TTI1: variants seen among roughly 807,000 people sequenced by gnomAD.
The protein encoded by TTI1 is TELO2-interacting protein 1 homolog.
A neutral mutation model predicts 85.4 loss-of-function variants in TTI1; 52 were observed. The observed-to-expected ratio is 0.61, with a 90% CI of 0.49 to 0.77. The LOEUF (loss-of-function observed/expected upper bound fraction) is 0.77. TTI1 is among the 30% of genes least tolerant of loss of function. The probability of loss-of-function intolerance (pLI) is 0.00; values close to 1 mark genes in which losing one functional copy is unlikely to be tolerated. For synonymous variants in TTI1, 512 were observed against 503.9 expected (o/e 1.02, Z -0.22); for missense variants, 1,173 against 1,296.0 (o/e 0.91, Z 1.46).
intron 3 of TTI1, among the ~76,000 whole-genome samples, chr20:38,003,886 G>T (rs1449936272): frequency 1.3e-5 from 2 of 152,084 alleles, no homozygotes; most frequent in Non-Finnish European, 2.9e-5. Flanking sequence ...GATTAAAAGG[G>T]GGGTGCACAT....
chr20:38,023,925 G>A (rs566238442), intron 1 of TTI1, among the ~76,000 whole-genome samples: 22 of 152,292 alleles, frequency 1.4e-4, no homozygotes, highest in African/African-American at 3.4e-4. Context: ...AAGAACATGC[G>A]GAGGAGGGGA....
Position 38,011,980 on chromosome 20 carries a change from G to C in TTI1, c.1837C>G (p.Pro613Ala). ...QVTSFLAFSK[P>A]SPTICSMNSN... is the part of the protein sequence containing the mutation. The stretch of plus-strand genomic sequence containing the variant: ...TTCATGGAGCAAATAGTGGGACTTG[G>C]CTTTGAGAAGGCTAGAAAAGATGTA... The change falls in exon 2 of 8, where the codon CCA becomes GCA. Residue 613 changes from proline (P) to alanine (A), a missense_variant. Physicochemically the swap from Pro to Ala is conservative, Grantham distance 27. Coordinates refer to ENST00000373447, the MANE Select transcript of TTI1 (RefSeq NM_001303457.2). The C allele has an allele frequency of 1.2e-6, 2 of 1,614,242 alleles. No homozygotes were observed. Among genetic ancestry groups the C allele is most frequent in the South Asian group, 1.1e-5 (1 of 91,086 alleles).
At chr20:38,001,651 C>A (rs1568615271) in intron 4 of TTI1, among the ~76,000 whole-genome samples, 1 of 152,120 alleles carries the variant, frequency 6.6e-6, no homozygotes, top group Non-Finnish European at 1.5e-5. Context: ...GGTTTCCTAG[C>A]CCATCACCCC....
At chr20:37,987,108 G>A (rs1262300273) in intron 7 of TTI1, 5 of 453,532 alleles carry the variant, frequency 1.1e-5, no homozygotes, top group Non-Finnish European at 1.8e-5. Flanking sequence ...ATTCCAAACC[G>A]CACCCTTGTT....
At chr20:38,028,098 T>C (rs1045048123) in intron 1 of TTI1, among the ~76,000 whole-genome samples, 74 of 152,174 alleles carry the variant, frequency 4.9e-4, no homozygotes. Context: ...TTCAAATCTG[T>C]GTTGTTCAAG....
At chr20:38,015,230 G>T (rs1019751204) in intron 1 of TTI1, among the ~76,000 whole-genome samples, 1 of 152,126 alleles carries the variant, frequency 6.6e-6, no homozygotes, top group South Asian at 2.1e-4. Context: ...ACTCTGATAC[G>T]CTGGAGAGTC....
intron 2 of TTI1, among the ~76,000 whole-genome samples, chr20:38,008,728 A>G (rs1313401669): frequency 6.6e-6 from 1 of 152,216 alleles, no homozygotes; most frequent in Non-Finnish European, 1.5e-5. Context: ...CCATCTTAAA[A>G]GAGTGGACGT....
At chr20:38,016,363 G>A (rs2073682270) in intron 1 of TTI1, among the ~76,000 whole-genome samples, 1 of 152,228 alleles carries the variant, frequency 6.6e-6, no homozygotes, top group Non-Finnish European at 1.5e-5. Context: ...CCAGGGTGAA[G>A]GCAATGGCCT....
chr20:38,017,404 T>TTG (rs66542554), intron 1 of TTI1, among the ~76,000 whole-genome samples: 13,522 of 146,112 alleles, frequency 0.093, 619 homozygotes, highest in East Asian at 0.14. Context: ...AATCAATAGC[T>TTG]TGTGTGTGTG....
intron 2 of TTI1, among the ~76,000 whole-genome samples, chr20:38,008,086 T>C (rs561104650): frequency 9.2e-5 from 14 of 152,356 alleles, no homozygotes; most frequent in Admixed American, 4.6e-4. Context: ...AATAAGGTGC[T>C]ATTTTTCTCC....
Position 38,013,051 on chromosome 20 carries a change from A to C in TTI1, c.766T>G (p.Ser256Ala), listed in dbSNP as rs1174210089. 6.2e-7 allele frequency: 1 copy of C among 1,613,920 alleles called. No homozygotes were observed. The highest frequency in any genetic ancestry group is 1.3e-5 in the African/African-American group (1 of 74,882). Residue 256 changes from serine (S) to alanine (A), a missense_variant, in exon 2 of 8, where the codon TCA becomes GCA. Transcript: ENST00000373447. ...ACTGCAGGTTTTGCTTGGACCTTTG[A>C]GATTCTTTTGAGCTGTTCATCAGCC... is the stretch of plus-strand genomic sequence containing the variant. ...IMADEQLKRI[S>A]KVQAKPAVEH...
At chr20:38,020,551 C>A (rs1027621033) in intron 1 of TTI1, among the ~76,000 whole-genome samples, 1 of 151,304 alleles carries the variant, frequency 6.6e-6, no homozygotes, top group African/African-American at 2.4e-5. Flanking sequence ...GACACTATTA[C>A]AGAGTGAAAA....
At chr20:38,031,749 A>G (rs2073910340) in intron 1 of TTI1, among the ~76,000 whole-genome samples, 1 of 152,226 alleles carries the variant, frequency 6.6e-6, no homozygotes, top group Non-Finnish European at 1.5e-5. Flanking sequence ...TTGGGATCAG[A>G]CATAAGATAA....
At chr20:38,021,925 CAAG>C (rs2073776530) in intron 1 of TTI1, among the ~76,000 whole-genome samples, 1 of 152,016 alleles carries the variant, frequency 6.6e-6, no homozygotes, top group African/African-American at 2.4e-5. Context: ...ATCACACAAT[CAAG>C]AAGTGAAAAA....
Position 38,012,400 on chromosome 20 carries a change from T to C in TTI1, c.1417A>G (p.Arg473Gly). 5.6e-6 allele frequency: 9 copies of C among 1,614,200 alleles called. No individual in the cohort carries two copies. The highest frequency in any genetic ancestry group is 6.8e-6 in the Non-Finnish European group (8 of 1,180,034). The change falls in exon 2 of 8, where the codon AGG (arginine) becomes GGG (glycine). Residue 473 changes from arginine (R) to glycine (G), a missense_variant. Physicochemically the swap from Arg to Gly is moderately radical, Grantham distance 125 (BLOSUM62 -2). Coordinates refer to ENST00000373447, the MANE Select transcript of TTI1 (RefSeq NM_001303457.2). ...TCAGTGAAGAAGCGGAAATATCTCCTCTGGATGCGGTTCCAAGGCTGTGTG... is the reference window on the plus strand; with the variant it reads ...TCAGTGAAGAAGCGGAAATATCTCCCCTGGATGCGGTTCCAAGGCTGTGTG... ...SATQPWNRIQRRYFRFFTDER... is the reference protein window; with the variant it reads ...SATQPWNRIQGRYFRFFTDER...
chr20:38,028,116 T>G (rs2073859198), intron 1 of TTI1, among the ~76,000 whole-genome samples: 1 of 152,198 alleles, frequency 6.6e-6, no homozygotes, highest in Non-Finnish European at 1.5e-5. Context: ...AAGGGTCTAC[T>G]GTATTTTCAA....
intron 4 of TTI1, 123 bp from the exon 5 acceptor site, chr20:37,999,451 G>C: frequency 1.9e-6 from 2 of 1,067,798 alleles, no homozygotes; most frequent in African/African-American, 3.3e-5. Flanking sequence ...TCTGAGTGCT[G>C]ACTACATGCC....
intron 3 of TTI1, among the ~76,000 whole-genome samples, chr20:38,005,012 C>T (rs2073476131): frequency 6.6e-6 from 1 of 152,124 alleles, no homozygotes; most frequent in African/African-American, 2.4e-5. Context: ...CTGCATAAAT[C>T]ATTATTTGGG....
chr20:37,986,550 A>G (rs2073192739), intron 7 of TTI1, among the ~76,000 whole-genome samples: 1 of 152,226 alleles, frequency 6.6e-6, no homozygotes, highest in South Asian at 2.1e-4. Flanking sequence ...ATGCCCCAGA[A>G]TGGCAGGAAT....
Sources: allele counts gnomAD v4.1 joint callset (sites outside exome capture counted in the v4.1 genomes callset), GRCh38; gene constraint gnomAD v4.1.1; transcripts MANE v1.5; gene names NCBI Gene and HGNC (gene_info 2026-07-23, HGNC 2026-07-21).